The following ATAD2B variants were observed in gnomAD, a reference collection of about 807,000 sequenced individuals.
ATAD2B encodes the protein ATPase family AAA domain-containing protein 2B.
In ATAD2B, 40 loss-of-function variants were observed where a neutral mutation model predicts 167.6. The ratio of observed to expected loss-of-function variants is 0.24; its 90% confidence interval spans 0.19 to 0.31. The LOEUF is 0.31. ATAD2B is among the 10% of genes least tolerant of loss of function. ATAD2B has a pLI of 1.00. For synonymous variants in ATAD2B, 579 were observed against 596.5 expected, an observed-to-expected ratio of 0.97 and a Z score of 0.43; for missense variants, 1,242 against 1,757.2, an observed-to-expected ratio of 0.71 and a Z score of 5.24.
chr2:23,841,638 C>A (rs1190981062), intron 13 of ATAD2B, among the ~76,000 whole-genome samples: 1 of 152,104 alleles, frequency 6.6e-6, no homozygotes, highest in African/African-American at 2.4e-5. Flanking sequence ...ATCTCAGCCT[C>A]CCGAGTAGGT....
At chr2:23,770,305 C>T (rs1238032609) in intron 22 of ATAD2B, among the ~76,000 whole-genome samples, 1 of 140,032 alleles carries the variant, frequency 7.1e-6, no homozygotes, top group African/African-American at 2.7e-5. Flanking sequence ...GACAGAGCAA[C>T]TCTGTCTCCA....
chr2:23,698,271 A>AGAGT, the ATAD2B span, among the ~76,000 whole-genome samples: 81,485 of 151,934 alleles, frequency 0.54, 22,575 homozygotes, highest in East Asian at 0.79. Context: ...TCAGCCCACC[A>AGAGT]GAGTCTGCCA....
At position 23,788,805 on chromosome 2, in the gene ATAD2B, T is replaced by C. The variant is rs1572754015; in HGVS notation, c.2641-158A>G. On this transcript the variant is annotated intron_variant, in intron 19 of 27. Transcript: ENST00000238789. Reference sequence around the variant, plus strand: ...TTAACCTAGTCCTAGGCTATGCTGTTGAAGGGTTCAACCGCATGGGCTAAA... The same window carrying C: ...TTAACCTAGTCCTAGGCTATGCTGTCGAAGGGTTCAACCGCATGGGCTAAA... Among the ~76,000 whole-genome samples the C allele has an allele frequency of 2.0e-5, 3 of 152,212 alleles. No homozygotes were observed. In the East Asian group the frequency reaches 5.8e-4, roughly 29 times the overall value.
chr2:23,764,025 G>T (rs181294303), intron 23 of ATAD2B, among the ~76,000 whole-genome samples: 1 of 152,244 alleles, frequency 6.6e-6, no homozygotes, highest in East Asian at 1.9e-4. Context: ...CATCTGGGTT[G>T]TTTCCAGTTT....
At chr2:23,842,715 A>T (rs1691121298) in intron 13 of ATAD2B, among the ~76,000 whole-genome samples, 1 of 152,186 alleles carries the variant, frequency 6.6e-6, no homozygotes, top group South Asian at 2.1e-4. Flanking sequence ...GCTAGTAAGG[A>T]CACCCCAAAC....
chr2:23,851,662 C>A (rs1209718366), intron 13 of ATAD2B, among the ~76,000 whole-genome samples: 1 of 152,122 alleles, frequency 6.6e-6, no homozygotes, highest in South Asian at 2.1e-4. Flanking sequence ...TGATGATATA[C>A]ATTCTATGGG....
intron 1 of ATAD2B, among the ~76,000 whole-genome samples, chr2:23,920,132 C>G (rs1221865102): frequency 7.0e-6 from 1 of 142,980 alleles, no homozygotes; most frequent in Non-Finnish European, 1.5e-5. Flanking sequence ...GCCTGGGCAA[C>G]AGAGAGAGAC....
At chr2:23,692,438 G>A in the ATAD2B span, among the ~76,000 whole-genome samples, 2 of 152,228 alleles carry the variant, frequency 1.3e-5, no homozygotes, top group South Asian at 2.1e-4. Flanking sequence ...CATGGGCGAC[G>A]GCAAGGTGAG....
intron 13 of ATAD2B, among the ~76,000 whole-genome samples, chr2:23,853,374 T>C (rs1466158987): frequency 6.6e-6 from 1 of 152,164 alleles, no homozygotes; most frequent in Non-Finnish European, 1.5e-5. Context: ...TTTAGCAAGG[T>C]TGTGGATACA....
chr2:23,888,073 A>T, intron 3 of ATAD2B, 88 bp from the exon 4 acceptor site: 3 of 1,151,318 alleles, frequency 2.6e-6, no homozygotes, highest in Non-Finnish European at 3.5e-6. Flanking sequence ...CTTTTAAAAG[A>T]CTACAAAAAA....
the ATAD2B span, chr2:23,691,541 T>C: frequency 4.5e-6 from 3 of 671,706 alleles, no homozygotes; most frequent in African/African-American, 1.8e-5. Context: ...TAGGTTCAGG[T>C]GTGTCATTGC....
chr2:23,683,518 C>G, the ATAD2B span, among the ~76,000 whole-genome samples: 1 of 152,234 alleles, frequency 6.6e-6, no homozygotes, highest in African/African-American at 2.4e-5. Context: ...CTTCTCCTTT[C>G]TAAGCCTTGG....
At chr2:23,796,120 G>A (rs1682581861) in intron 19 of ATAD2B, among the ~76,000 whole-genome samples, 1 of 152,092 alleles carries the variant, frequency 6.6e-6, no homozygotes, top group African/African-American at 2.4e-5. Flanking sequence ...GAACAGAGGA[G>A]AATTTCCTAC....
intron 22 of ATAD2B, 121 bp from the exon 23 acceptor site, chr2:23,765,749 G>T: frequency 1.6e-6 from 1 of 606,594 alleles, no homozygotes; most frequent in Non-Finnish European, 2.5e-6. Flanking sequence ...GTGAGAAAAA[G>T]TTTATTTAAA....
At chr2:23,815,056 C>CA (rs553479769) in intron 17 of ATAD2B, among the ~76,000 whole-genome samples, 10,915 of 76,348 alleles carry the variant, frequency 0.14, 526 homozygotes, top group Middle Eastern at 0.21. Context: ...AATCCGTCTC[C>CA]AAAAAAAAAA....
chr2:23,758,161 T>C (rs1469341362), intron 24 of ATAD2B, 60 bp from the exon 25 acceptor site: 33 of 1,332,822 alleles, frequency 2.5e-5, no homozygotes, highest in Non-Finnish European at 3.1e-5. Flanking sequence ...CAATTTTACA[T>C]ATGTTTATTA....
At chr2:23,730,432 C>T in the ATAD2B span, among the ~76,000 whole-genome samples, 2 of 151,550 alleles carry the variant, frequency 1.3e-5, no homozygotes, top group African/African-American at 2.4e-5. Context: ...TTTGGGAGGC[C>T]GAGGCAGGCG....
chr2:23,737,943 G>T, the ATAD2B span, among the ~76,000 whole-genome samples: 1 of 152,176 alleles, frequency 6.6e-6, no homozygotes, highest in East Asian at 1.9e-4. Flanking sequence ...GGAAGAAAGG[G>T]TATCAGTGAT....
At chr2:23,699,194 C>T in the ATAD2B span, among the ~76,000 whole-genome samples, 10 of 152,194 alleles carry the variant, frequency 6.6e-5, no homozygotes, top group African/African-American at 2.4e-4. Context: ...AGGCCAGCTT[C>T]CTGGGCTCTG....
Sources: allele counts gnomAD v4.1 joint callset (sites outside exome capture counted in the v4.1 genomes callset), GRCh38; gene constraint gnomAD v4.1.1; transcripts MANE v1.5; gene names NCBI Gene and HGNC (gene_info 2026-07-23, HGNC 2026-07-21).